PHACTR4: variants seen among roughly 807,000 people sequenced by gnomAD.
PHACTR4 encodes the protein phosphatase and actin regulator 4, also known as protein phosphatase 1, regulatory subunit 124.
Under a neutral mutation model 72.7 loss-of-function variants are expected in PHACTR4, and 51 were observed. The ratio of observed to expected loss-of-function variants is 0.70; its 90% CI spans 0.56 to 0.89. PHACTR4 has a LOEUF of 0.89. Among genes scored for constraint, PHACTR4 ranks in the 40% least tolerant of loss-of-function variants. PHACTR4 has a pLI of 0.00. For synonymous variants in PHACTR4, 255 were observed against 302.5 expected (o/e 0.84, Z 1.63); for missense variants, 731 against 861.8 (o/e 0.85, Z 1.90).
intron 7 of PHACTR4, 32 bp from the exon 8 acceptor site, chr1:28,476,075 A>G: frequency 6.4e-7 from 1 of 1,563,830 alleles, no homozygotes; most frequent in South Asian, 1.2e-5. Context: ...CTTCATTTCT[A>G]AAAGGAAAAT....
intron 1 of PHACTR4, among the ~76,000 whole-genome samples, chr1:28,370,794 A>G (rs12120985): frequency 0.28 from 43,140 of 151,872 alleles, 6,332 homozygotes; most frequent in Middle Eastern, 0.34. Context: ...TTTTCGCCAA[A>G]TTAAAGAAAT....
intron 1 of PHACTR4, among the ~76,000 whole-genome samples, chr1:28,384,088 T>C (rs1557777031): frequency 6.6e-6 from 1 of 152,216 alleles, no homozygotes; most frequent in Non-Finnish European, 1.5e-5. Flanking sequence ...GATTTTTGCA[T>C]TGATATTCAT....
chr1:28,432,371 C>CTT (rs112055906), intron 2 of PHACTR4, among the ~76,000 whole-genome samples: 3,898 of 135,528 alleles, frequency 0.029, 201 homozygotes, highest in African/African-American at 0.096. Flanking sequence ...CTCTCTCTCT[C>CTT]TTTTTTTTTT....
At chr1:28,430,167 C>T (rs1247356538) in intron 2 of PHACTR4, among the ~76,000 whole-genome samples, 3 of 152,048 alleles carry the variant, frequency 2.0e-5, no homozygotes, top group Admixed American at 6.6e-5. Context: ...GGACTACAGG[C>T]ACCCGCCACC....
intron 1 of PHACTR4, among the ~76,000 whole-genome samples, chr1:28,388,584 G>T (rs537935648): frequency 6.6e-6 from 1 of 152,200 alleles, no homozygotes; most frequent in African/African-American, 2.4e-5. Context: ...GGGCACGGTG[G>T]CTCACGCCTG....
chr1:28,472,651 G>A (rs1570061142), intron 6 of PHACTR4, among the ~76,000 whole-genome samples: 2 of 151,630 alleles, frequency 1.3e-5, no homozygotes, highest in Middle Eastern at 6.8e-3. Flanking sequence ...GTCCAGCCTG[G>A]AGTGCAGTGG....
Position 28,476,287 on chromosome 1 carries a change from T to C in PHACTR4, c.1602T>C (p.Tyr534=). 1.9e-6 allele frequency: 3 copies of C among 1,594,038 alleles called. No individual in the cohort carries two copies. Among genetic ancestry groups the C allele is most frequent in the Non-Finnish European group, 2.6e-6 (3 of 1,173,954 alleles). ...ATGAAGAAGATGAAGATGAAAGCTA[T>C]CAGAGTAAGAAAGGGAGGGAAAAGC... The part of the protein sequence containing the change: ...YRDEEDEDES[Y]QSALANKVKR... The change falls in exon 8 of 14, where the codon TAT becomes TAC. Residue 534 remains tyrosine, a synonymous_variant. Coordinates refer to ENST00000373839, the MANE Select transcript of PHACTR4 (RefSeq NM_001048183.3).
Position 28,498,447 on chromosome 1 carries a change from T to A in PHACTR4, c.*1898T>A, listed in dbSNP as rs946570625. 1 of 152,292 alleles carries A rather than the reference T, an allele frequency of 6.6e-6. No individual in the cohort carries two copies. The highest frequency in any genetic ancestry group is 2.4e-5 in the African/African-American group (1 of 41,468). 9.4% of individuals were successfully genotyped at this position (152,292 alleles called of 1,614,324 possible). A position where few individuals can be genotyped will look rare whatever the true frequency, so the allele number is the denominator to read the frequency against. The stretch of plus-strand genomic sequence containing the variant: ...TGGGGCATTGACTCAGCCCCCCTGC[T>A]TTCTGCATTTGTAATAGATATTAAT... On this transcript the variant is annotated 3_prime_UTR_variant, in exon 14 of 14. Coordinates refer to ENST00000373839, the MANE Select transcript of PHACTR4 (RefSeq NM_001048183.3).
chr1:28,465,404 G>A (rs760158356), intron 4 of PHACTR4, among the ~76,000 whole-genome samples: 2 of 152,028 alleles, frequency 1.3e-5, no homozygotes, highest in East Asian at 1.9e-4. Flanking sequence ...AGGCTGCAGC[G>A]AGCCAAGATC....
At chr1:28,492,010 A>C (rs1661067910) in intron 12 of PHACTR4, among the ~76,000 whole-genome samples, 1 of 152,220 alleles carries the variant, frequency 6.6e-6, no homozygotes, top group East Asian at 1.9e-4. Flanking sequence ...AAGAAAGAAA[A>C]TCCCTGCTAT....
In PHACTR4 at chr1:28,496,770, A is replaced by G. The variant is rs1661388231; in HGVS notation, c.*221A>G. On this transcript the variant is annotated 3_prime_UTR_variant, in exon 14 of 14. Coordinates refer to ENST00000373839, the MANE Select transcript of PHACTR4 (RefSeq NM_001048183.3). ...TTTGTCAGTGCTTTTGAACCTTTCA[A>G]TATTGTAGCATGCTTGAGGAGTTTT... is the stretch of plus-strand genomic sequence containing the variant. 5.0e-6 allele frequency: 3 copies of G among 595,608 alleles called. No homozygotes were observed. In the South Asian group the frequency reaches 6.1e-5, roughly 12 times the overall value. 36.9% of individuals were successfully genotyped at this position (595,608 alleles called of 1,614,324 possible). A position where few individuals can be genotyped will look rare whatever the true frequency, so the allele number is the denominator to read the frequency against.
At chr1:28,490,065 A>T (rs184967586) in intron 10 of PHACTR4, among the ~76,000 whole-genome samples, 1 of 152,190 alleles carries the variant, frequency 6.6e-6, no homozygotes, top group Admixed American at 6.6e-5. Context: ...TTTGCAGGCC[A>T]AAAAGCAAAT....
chr1:28,466,433 T>C lies in PHACTR4; in HGVS notation c.488T>C (p.Val163Ala). 1 of 1,614,114 alleles carries C rather than the reference T, an allele frequency of 6.2e-7. No homozygotes were observed. Among genetic ancestry groups the C allele is most frequent in the Non-Finnish European group, 8.5e-7 (1 of 1,179,988 alleles). Residue 163 changes from valine to alanine, a missense_variant, in exon 6 of 14, where the codon GTA becomes GCA. Around this residue, in one of 2 missense-constraint regions of PHACTR4, gnomAD observed 621 missense variants for 676.6 expected, o/e 0.92. Transcript: ENST00000373839. Reference sequence around the variant, plus strand: ...GAAGCAGAGTCTGTTCCTGAGAATGTACCCAAACCACCTTTACTTCCTCCC... The same window carrying C: ...GAAGCAGAGTCTGTTCCTGAGAATGCACCCAAACCACCTTTACTTCCTCCC... ...NSEAESVPEN[V>A]PKPPLLPPKR...
chr1:28,443,323 C>T (rs1274995981), intron 2 of PHACTR4, among the ~76,000 whole-genome samples: 2 of 152,024 alleles, frequency 1.3e-5, no homozygotes, highest in East Asian at 1.9e-4. Flanking sequence ...ACTCTGTCAC[C>T]GAGGCTGGAG....
chr1:28,492,994 AT>A lies in PHACTR4; in HGVS notation c.2017-16del. 6.3e-7 allele frequency: 1 copy of A among 1,592,258 alleles called. No individual in the cohort carries two copies. Among genetic ancestry groups the A allele is most frequent in the Non-Finnish European group, 8.6e-7 (1 of 1,160,720 alleles). On this transcript the variant is annotated intron_variant, in intron 12 of 13. Transcript: ENST00000373839. ...CAAAGCAGCCAGAAGAAGCTGAAAC[AT>A]TTTTGTCTCTACTCCACAGGCTGCC...
chr1:28,400,242 G>A (rs1276896147), intron 1 of PHACTR4, among the ~76,000 whole-genome samples: 4 of 151,902 alleles, frequency 2.6e-5, no homozygotes, highest in East Asian at 1.9e-4. Flanking sequence ...GCGTCTTGGC[G>A]CACGCCTGTA....
At chr1:28,381,862 T>C (rs183121939) in intron 1 of PHACTR4, among the ~76,000 whole-genome samples, 285 of 152,308 alleles carry the variant, frequency 1.9e-3, no homozygotes, top group Non-Finnish European at 3.2e-3. Context: ...AACCTCTGCT[T>C]CCCAGCTTCA....
chr1:28,411,057 G>T lies in PHACTR4; in HGVS notation c.16+3594G>T, dbSNP rs1273738663. Among the ~76,000 whole-genome samples the T allele has an allele frequency of 4.6e-5, 7 of 151,000 alleles. No homozygotes were observed. In the East Asian group the frequency reaches 5.9e-4, roughly 13 times the overall value. On this transcript the variant is annotated intron_variant, in intron 2 of 13. Transcript: ENST00000373839. Reference sequence around the variant, plus strand: ...TTTGGTTTGTTTTTGTTTTTTGGGGGTTTTTTTGAGGTGGAGTCTTGCTCT... The same window carrying T: ...TTTGGTTTGTTTTTGTTTTTTGGGGTTTTTTTTGAGGTGGAGTCTTGCTCT...
At chr1:28,493,166 T>C in intron 13 of PHACTR4, 75 bp downstream of exon 13, 2 of 1,211,946 alleles carry the variant, frequency 1.7e-6, no homozygotes, top group South Asian at 1.3e-5. Context: ...TGAAGGGCTC[T>C]AATGACATCA....
Sources: gnomAD v4.1 joint callset for allele counts (sites outside exome capture counted in the v4.1 genomes callset) on GRCh38, gnomAD v4.1.1 for gene constraint, gnomAD v4.1.1 regional missense constraint, MANE v1.5 for transcripts, NCBI Gene and HGNC (gene_info 2026-07-23, HGNC 2026-07-21) for gene names.